Variants in SAMD4B observed in about 807,000 individuals in gnomAD.
SAMD4B encodes protein Smaug homolog 2.
Under a neutral mutation model 74.5 loss-of-function variants are expected in SAMD4B, and 5 were observed. That is an observed-to-expected ratio of 0.07 (90% CI 0.04 to 0.14). The LOEUF (loss-of-function observed/expected upper bound fraction) is 0.14, where lower values mean the gene tolerates loss of function less well. Among genes scored for constraint, SAMD4B ranks in the 10% least tolerant of loss-of-function variants. The probability of loss-of-function intolerance (pLI) is 1.00; values close to 1 mark genes in which losing one functional copy is unlikely to be tolerated. For missense variants in SAMD4B, 608 were observed against 921.8 expected (o/e 0.66, Z 4.41); for synonymous variants, 373 against 374.9 (o/e 1.00, Z 0.06).
intron 1 of SAMD4B, among the ~76,000 whole-genome samples, chr19:39,348,921 T>C (rs914672812): frequency 3.9e-5 from 6 of 152,200 alleles, no homozygotes; most frequent in Admixed American, 3.3e-4. Context: ...AGCCAAGTCA[T>C]TTATGCCTCA....
In SAMD4B at chr19:39,380,580, C is replaced by T; in HGVS notation, c.1650-7C>T. On this transcript the variant is annotated splice_polypyrimidine_tract_variant and splice_region_variant and intron_variant, in intron 10 of 13. Coordinates refer to ENST00000610417, the MANE Select transcript of SAMD4B (RefSeq NM_001384574.2). ...AAATTAACACCCTGCCTTCTGCTCT[C>T]TCATAGCTGGGCATTCGGCTCCAAC... The T allele has an allele frequency of 6.2e-7, 1 of 1,614,176 alleles. No individual in the cohort carries two copies. Among genetic ancestry groups the T allele is most frequent in the Middle Eastern group, 1.6e-4 (1 of 6,062 alleles).
At chr19:39,346,066 G>A (rs993684356) in intron 1 of SAMD4B, among the ~76,000 whole-genome samples, 3 of 152,018 alleles carry the variant, frequency 2.0e-5, no homozygotes, top group African/African-American at 7.3e-5. Flanking sequence ...CAGAGCTCTT[G>A]GCATTTTTTC....
intron 2 of SAMD4B, among the ~76,000 whole-genome samples, chr19:39,356,218 T>C (rs2076334223): frequency 1.3e-5 from 2 of 152,166 alleles, no homozygotes; most frequent in African/African-American, 4.8e-5. Context: ...CTTGGAGTCC[T>C]ATCAGTAGGT....
chr19:39,369,552 AAAG>A lies in SAMD4B; in HGVS notation c.197-98_197-96del, dbSNP rs2077168836. The A allele has an allele frequency of 1.2e-5, 11 of 898,984 alleles. No homozygotes were observed. In the East Asian group the frequency reaches 2.6e-4, roughly 22 times the overall value. The allele number at this position is 898,984 out of a possible 1,614,324, so 55.7% of individuals were successfully genotyped here. A position where few individuals can be genotyped will look rare whatever the true frequency, so the allele number is the denominator to read the frequency against. On this transcript the variant is annotated intron_variant, in intron 3 of 13. Coordinates refer to ENST00000610417, the MANE Select transcript of SAMD4B (RefSeq NM_001384574.2). ...AGTTATGAAAAGAAAATCGTTATGA[AAAG>A]AAGATTGGAGCTGAGGGAATAGGCC...
chr19:39,366,831 T>A (rs1389092677), intron 3 of SAMD4B, among the ~76,000 whole-genome samples: 2 of 152,134 alleles, frequency 1.3e-5, no homozygotes, highest in Non-Finnish European at 2.9e-5. Context: ...GGAACTTGGG[T>A]TGAAAGACCC....
rs145618628 is a variant in SAMD4B at position 39,349,603 on chromosome 19, C to T, written c.-266-4403C>T. ...GATTCTTATAAGAGAAGTTGTGCTC[C>T]CTTGGCTTCTGACAGTCTCTTCTCA... is the stretch of plus-strand genomic sequence containing the variant. On this transcript the variant is annotated intron_variant, in intron 1 of 13. Transcript: ENST00000610417. 1.1e-3 allele frequency among the ~76,000 whole-genome samples: 167 copies of T among 152,242 alleles called. 1 individual carries two copies. The East Asian group carries it at 0.028, about 25-fold the overall frequency.
intron 2 of SAMD4B, among the ~76,000 whole-genome samples, chr19:39,356,318 A>T (rs1170515466): frequency 6.6e-6 from 1 of 152,216 alleles, no homozygotes; most frequent in Non-Finnish European, 1.5e-5. Context: ...ACCTTGGGCC[A>T]GATCGCCATC....
At chr19:39,377,883 C>T in intron 8 of SAMD4B, 59 bp downstream of exon 8, 3 of 1,473,450 alleles carry the variant, frequency 2.0e-6, no homozygotes, top group Non-Finnish European at 2.8e-6. Flanking sequence ...TGAACCCAAG[C>T]ACCAGGGATC....
chr19:39,368,646 A>G (rs895082038), intron 3 of SAMD4B, among the ~76,000 whole-genome samples: 1 of 152,202 alleles, frequency 6.6e-6, no homozygotes, highest in African/African-American at 2.4e-5. Context: ...ATTTAGGAAG[A>G]TAAATGCATC....
Position 39,385,271 on chromosome 19 carries a change from T to A in SAMD4B, c.*1744T>A. 1 of 300,572 alleles carries A rather than the reference T, an allele frequency of 3.3e-6. No homozygotes were observed. Among genetic ancestry groups the A allele is most frequent in the East Asian group, 5.2e-5 (1 of 19,052 alleles). 18.6% of individuals were successfully genotyped at this position (300,572 alleles called of 1,614,324 possible). The stretch of plus-strand genomic sequence containing the variant: ...CAGGAAGTGGGATGGATGGGCCACC[T>A]CGTTTGGAATCAGCAGGGTGTCCCT... On this transcript the variant is annotated 3_prime_UTR_variant, in exon 14 of 14. Transcript: ENST00000610417.
chr19:39,371,238 T>C (rs2077274390), intron 4 of SAMD4B, among the ~76,000 whole-genome samples: 1 of 152,154 alleles, frequency 6.6e-6, no homozygotes, highest in Non-Finnish European at 1.5e-5. Context: ...AAATGTCACA[T>C]GTGTCAGTGG....
At chr19:39,377,936 C>G in intron 8 of SAMD4B, 112 bp downstream of exon 8, 1 of 1,027,084 alleles carries the variant, frequency 9.7e-7, no homozygotes, top group East Asian at 2.5e-5. Context: ...GTAAAGCCTA[C>G]TGGAGACTGG....
chr19:39,377,565 T>G lies in SAMD4B; in HGVS notation c.1185T>G (p.Ser395Arg). Residue 395 changes from serine (S) to arginine (R), a missense_variant, in exon 8 of 14, where the codon AGT becomes AGG. This residue lies in a region of SAMD4B where 99 missense variants were observed against 112.1 expected (regional missense o/e 0.88). Coordinates refer to ENST00000610417, the MANE Select transcript of SAMD4B (RefSeq NM_001384574.2). ...QIIITPIKAY[S>R]VLQATVAAAT... Reference sequence around the variant, plus strand: ...TCATCACTCCCATCAAGGCCTACAGTGTCCTCCAGGCCACCGTGGCTGCCG... The same window carrying G: ...TCATCACTCCCATCAAGGCCTACAGGGTCCTCCAGGCCACCGTGGCTGCCG... The G allele has an allele frequency of 6.2e-7, 1 of 1,613,510 alleles. No individual in the cohort carries two copies. The highest frequency in any genetic ancestry group is 8.5e-7 in the Non-Finnish European group (1 of 1,179,632).
chr19:39,388,289 G>A (rs1406956901), downstream of SAMD4B: 1 of 1,606,210 alleles, frequency 6.2e-7, no homozygotes, highest in Non-Finnish European at 8.5e-7. Context: ...ATGCCCCAGG[G>A]TCTTAAGAAG....
intron 3 of SAMD4B, chr19:39,360,204 A>T (rs937521693): frequency 2.0e-5 from 3 of 151,776 alleles, no homozygotes; most frequent in African/African-American, 7.3e-5. Flanking sequence ...AAAAATAAAA[A>T]AATAAAATAA....
downstream of SAMD4B, chr19:39,390,383 G>T (rs527282169): frequency 3.1e-4 from 375 of 1,194,498 alleles, no homozygotes; most frequent in African/African-American, 5.1e-3. Context: ...GGTAGGAGGG[G>T]TGACAAATGC....
downstream of SAMD4B, chr19:39,385,937 G>A: frequency 6.2e-7 from 1 of 1,603,190 alleles, no homozygotes; most frequent in Non-Finnish European, 8.5e-7. Flanking sequence ...CACTAGAAAA[G>A]TGCTTTGCTG....
chr19:39,381,006 A>G lies in SAMD4B; in HGVS notation c.1865A>G (p.Asn622Ser). ...GQGRQNLWFA[N>S]PGGSNSMPSQ... The stretch of plus-strand genomic sequence containing the variant: ...CCTGTGTAGAACCTGTGGTTTGCCA[A>G]CCCTGGAGGCAGCAACAGCATGCCC... Residue 622 changes from asparagine to serine, a missense_variant, in exon 12 of 14, where the codon AAC becomes AGC. Physicochemically the swap from Asn to Ser is conservative, Grantham distance 46. Transcript: ENST00000610417. The G allele has an allele frequency of 6.2e-7, 1 of 1,610,160 alleles. No homozygotes were observed. The highest frequency in any genetic ancestry group is 8.5e-7 in the Non-Finnish European group (1 of 1,178,654).
chr19:39,371,881 T>G (rs1270670954), intron 4 of SAMD4B, among the ~76,000 whole-genome samples: 8 of 151,994 alleles, frequency 5.3e-5, no homozygotes, highest in African/African-American at 1.9e-4. Flanking sequence ...TCTAAGAACT[T>G]TATACATATA....
Sources: gnomAD v4.1 joint callset for allele counts (sites outside exome capture counted in the v4.1 genomes callset) on GRCh38, gnomAD v4.1.1 for gene constraint, gnomAD v4.1.1 regional missense constraint, MANE v1.5 for transcripts, NCBI Gene and HGNC (gene_info 2026-07-23, HGNC 2026-07-21) for gene names.